STX8: variants seen among roughly 807,000 people sequenced by gnomAD.
STX8 encodes syntaxin 8.
In STX8, 23 loss-of-function variants were observed where a neutral mutation model predicts 37.5. The observed-to-expected ratio is 0.61, with a 90% CI of 0.44 to 0.87. The LOEUF (loss-of-function observed/expected upper bound fraction) is 0.87, where lower values mean the gene tolerates loss of function less well. Ranked by LOEUF, STX8 falls within the 40% of genes least tolerant of loss-of-function variation. The pLI is 0.00. For synonymous variants in STX8, 115 were observed against 99.1 expected (o/e 1.16, Z -0.95); for missense variants, 313 against 284.7 (o/e 1.10, Z -0.71).
chr17:9,279,422 G>A (rs759564740), intron 7 of STX8, among the ~76,000 whole-genome samples: 16 of 152,138 alleles, frequency 1.1e-4, no homozygotes, highest in Admixed American at 5.2e-4. Context: ...ACGCTCAGAA[G>A]CATTAAGCAA....
chr17:9,565,340 GCA>G (rs1231731351), intron 2 of STX8, among the ~76,000 whole-genome samples: 1 of 152,182 alleles, frequency 6.6e-6, no homozygotes, highest in Non-Finnish European at 1.5e-5. Context: ...AGTTGACCAG[GCA>G]CAGTGGCTCA....
chr17:9,575,662 G>A, intron 1 of STX8, 130 bp downstream of exon 1: 2 of 1,166,176 alleles, frequency 1.7e-6, no homozygotes, highest in South Asian at 2.9e-5. Flanking sequence ...CTCAGTAAAG[G>A]AAAGGTCTCG....
In STX8 at chr17:9,505,147, A is replaced by G; in HGVS notation, c.339T>C (p.Ser113=). The change falls in exon 5 of 8, where the codon AGT becomes AGC. Residue 113 remains serine (S), a synonymous_variant. Transcript: ENST00000306357. ...TGGGTGCTCCTCGCTTAGCCTCTTCACTCATCAGGCTGGACCTAAAGAACA... is the reference window on the plus strand; with the variant it reads ...TGGGTGCTCCTCGCTTAGCCTCTTCGCTCATCAGGCTGGACCTAAAGAACA... The part of the protein sequence containing the change: ...EPDLIRSSLM[S]EEAKRGAPNP... The G allele has an allele frequency of 6.2e-7, 1 of 1,613,708 alleles. No homozygotes were observed. The highest frequency in any genetic ancestry group is 8.5e-7 in the Non-Finnish European group (1 of 1,179,902).
chr17:9,259,607 G>C (rs1165818440), intron 7 of STX8, among the ~76,000 whole-genome samples: 2 of 152,198 alleles, frequency 1.3e-5, no homozygotes, highest in African/African-American at 4.8e-5. Flanking sequence ...TACAGGAAGG[G>C]CAGCTGTGCT....
At chr17:9,567,002 C>T (rs1238057469) in intron 2 of STX8, among the ~76,000 whole-genome samples, 1 of 152,132 alleles carries the variant, frequency 6.6e-6, no homozygotes, top group Non-Finnish European at 1.5e-5. Flanking sequence ...GGCCATTATC[C>T]TTAGCAAACT....
intron 7 of STX8, among the ~76,000 whole-genome samples, chr17:9,274,937 G>A (rs1907618466): frequency 6.6e-6 from 1 of 151,306 alleles, no homozygotes; most frequent in South Asian, 2.1e-4. Flanking sequence ...TTTTAGTAGA[G>A]ATGGGGTTTC....
chr17:9,331,827 G>C (rs1909971493), intron 7 of STX8, among the ~76,000 whole-genome samples: 1 of 151,642 alleles, frequency 6.6e-6, no homozygotes, highest in Admixed American at 6.6e-5. Context: ...TTTCTCATTA[G>C]AAATGCCCAG....
chr17:9,299,832 G>C (rs1597591407), intron 7 of STX8, among the ~76,000 whole-genome samples: 1 of 152,176 alleles, frequency 6.6e-6, no homozygotes, highest in Non-Finnish European at 1.5e-5. Flanking sequence ...TACCGCTTTA[G>C]GCTATTTGTT....
chr17:9,315,334 T>C (rs1373345772), intron 7 of STX8, among the ~76,000 whole-genome samples: 1 of 150,288 alleles, frequency 6.7e-6, no homozygotes, highest in Non-Finnish European at 1.5e-5. Flanking sequence ...CTTGCTCCAC[T>C]GCTGATTTAC....
At chr17:9,394,906 T>C (rs769904345) in intron 6 of STX8, among the ~76,000 whole-genome samples, 1 of 150,518 alleles carries the variant, frequency 6.6e-6, no homozygotes, top group African/African-American at 2.5e-5. Context: ...TGAAACCCCA[T>C]CTCTACTAAA....
intron 4 of STX8, among the ~76,000 whole-genome samples, chr17:9,530,305 C>T (rs1420633508): frequency 7.1e-5 from 4 of 56,350 alleles, no homozygotes; most frequent in African/African-American, 5.8e-5. Flanking sequence ...AGTGAGACTC[C>T]GTCTCAAAAA....
chr17:9,526,007 G>A (rs1392367885), intron 4 of STX8, among the ~76,000 whole-genome samples: 1 of 152,164 alleles, frequency 6.6e-6, no homozygotes, highest in Non-Finnish European at 1.5e-5. Flanking sequence ...ATGACACAAG[G>A]CAAACTTAGC....
intron 3 of STX8, among the ~76,000 whole-genome samples, chr17:9,549,979 T>G (rs551435035): frequency 1.3e-5 from 2 of 152,102 alleles, no homozygotes; most frequent in South Asian, 4.2e-4. Flanking sequence ...ATCCCAGCAC[T>G]TTGGAAGGCT....
At chr17:9,469,294 T>G (rs1339339751) in intron 6 of STX8, 1 of 152,138 alleles carries the variant, frequency 6.6e-6, no homozygotes, top group East Asian at 1.9e-4. Flanking sequence ...TCATTAGATA[T>G]ATTCCCATTC....
chr17:9,485,791 G>A (rs1031228920), intron 6 of STX8, among the ~76,000 whole-genome samples: 1 of 151,524 alleles, frequency 6.6e-6, no homozygotes, highest in African/African-American at 2.4e-5. Context: ...TCACCATATT[G>A]ACCAGGCTGG....
chr17:9,542,730 A>G (rs1906335658), intron 4 of STX8, among the ~76,000 whole-genome samples: 1 of 152,160 alleles, frequency 6.6e-6, no homozygotes, highest in African/African-American at 2.4e-5. Context: ...AATGATACAA[A>G]GCAGTTATTT....
intron 7 of STX8, among the ~76,000 whole-genome samples, chr17:9,369,900 A>AAAC (rs1911349260): frequency 6.8e-6 from 1 of 146,910 alleles, no homozygotes; most frequent in Non-Finnish European, 1.5e-5. Flanking sequence ...AAAAAAAAAA[A>AAAC]AAAAAAAAAA....
chr17:9,505,103 TC>T lies in STX8; in HGVS notation c.382del (p.Glu128SerfsTer35). 1.2e-6 allele frequency: 2 copies of T among 1,613,874 alleles called. No individual in the cohort carries two copies. Among genetic ancestry groups the T allele is most frequent in the Non-Finnish European group, 1.7e-6 (2 of 1,179,938 alleles). On this transcript the variant is annotated frameshift_variant, in exon 5 of 8. Transcript: ENST00000306357. LOFTEE classifies it high-confidence loss of function. ...ACCCAAGCCTCTGGTCTCCTCTGGC[TC>T]CTCAAAGAGCCAAGGGTTGGGTGCT... Reference protein sequence around the residue: ...RGAPNPWLFEEPEETRGLGFD... With the variant: ...RGAPNPWLFEXPEETRGLGFD...
At chr17:9,341,752 T>C (rs1416509233) in intron 7 of STX8, among the ~76,000 whole-genome samples, 1 of 152,174 alleles carries the variant, frequency 6.6e-6, no homozygotes, top group East Asian at 1.9e-4. Context: ...ATGACTCAAG[T>C]GCAGCTGAAG....
Sources: allele counts gnomAD v4.1 joint callset (sites outside exome capture counted in the v4.1 genomes callset), GRCh38; gene constraint gnomAD v4.1.1; transcripts MANE v1.5; gene names NCBI Gene and HGNC (gene_info 2026-07-23, HGNC 2026-07-21).